Variants in MIS18A observed in about 807,000 individuals in gnomAD.
MIS18A encodes protein Mis18-alpha.
MIS18A carries 14 observed loss-of-function variants against 25.0 expected under a neutral mutation model. The ratio of observed to expected loss-of-function variants is 0.56; its 90% CI spans 0.37 to 0.88. The LOEUF is 0.88. Among genes scored for constraint, MIS18A ranks in the 40% least tolerant of loss-of-function variants. The pLI is 0.00. For missense variants in MIS18A, 292 were observed against 290.8 expected (o/e 1.00, Z -0.03); for synonymous variants, 134 against 118.6 (o/e 1.13, Z -0.84).
At chr21:32,171,988 T>C in the MIS18A span, among the ~76,000 whole-genome samples, 3 of 152,030 alleles carry the variant, frequency 2.0e-5, no homozygotes, top group Non-Finnish European at 4.4e-5. Context: ...AGGACTTGAA[T>C]AGCCATTTCT....
the MIS18A span, among the ~76,000 whole-genome samples, chr21:32,208,565 T>G: frequency 7.2e-5 from 11 of 152,190 alleles, no homozygotes; most frequent in South Asian, 2.1e-4. Flanking sequence ...ATGAGCCAAT[T>G]AAACCTCTTT....
rs537242678 is a variant in MIS18A at position 32,268,251 on chromosome 21, CA to C, written c.*785del. On this transcript the variant is annotated 3_prime_UTR_variant, in exon 5 of 5. Transcript: ENST00000290130. Reference sequence around the variant, plus strand: ...ACTTTGTTTTAATCTTTATTCTCTTCAATTAGAAAAATACATACTACAAAAG... The same window carrying C: ...ACTTTGTTTTAATCTTTATTCTCTTCATTAGAAAAATACATACTACAAAAG... The C allele has an allele frequency of 1.3e-5, 2 of 152,088 alleles. No homozygotes were observed. The highest frequency in any genetic ancestry group is 2.9e-5 in the Non-Finnish European group (2 of 68,022). The allele number at this position is 152,088 out of a possible 1,614,324, so 9.4% of individuals were successfully genotyped here. A position where few individuals can be genotyped will look rare whatever the true frequency, so the allele number is the denominator to read the frequency against.
At chr21:32,190,944 C>G in the MIS18A span, among the ~76,000 whole-genome samples, 16 of 152,334 alleles carry the variant, frequency 1.1e-4, no homozygotes, top group African/African-American at 3.4e-4. Flanking sequence ...TACATTCCCC[C>G]ACCTGTGCCC....
the MIS18A span, among the ~76,000 whole-genome samples, chr21:32,222,934 C>CA: frequency 0.028 from 1,807 of 65,550 alleles, 36 homozygotes; most frequent in African/African-American, 0.061. Context: ...GACTCCGTCT[C>CA]AAAAAAAAAA....
At chr21:32,238,258 G>A in the MIS18A span, among the ~76,000 whole-genome samples, 1 of 152,158 alleles carries the variant, frequency 6.6e-6, no homozygotes, top group Non-Finnish European at 1.5e-5. Context: ...AATTAGTTAG[G>A]ATAGGATAGG....
chr21:32,255,044 A>C, the MIS18A span, among the ~76,000 whole-genome samples: 1 of 152,240 alleles, frequency 6.6e-6, no homozygotes, highest in Non-Finnish European at 1.5e-5. Flanking sequence ...GAATATGCAC[A>C]GCAAGCTGTC....
chr21:32,219,519 G>A, the MIS18A span, among the ~76,000 whole-genome samples: 1 of 152,198 alleles, frequency 6.6e-6, no homozygotes, highest in South Asian at 2.1e-4. Flanking sequence ...TACCACCAGG[G>A]CCCTGGGTTT....
chr21:32,191,563 G>C, the MIS18A span, among the ~76,000 whole-genome samples: 1 of 152,018 alleles, frequency 6.6e-6, no homozygotes, highest in Non-Finnish European at 1.5e-5. Flanking sequence ...AGCCCTAGGT[G>C]ACAGAGCAAG....
chr21:32,236,313 G>A, the MIS18A span, among the ~76,000 whole-genome samples: 1 of 152,068 alleles, frequency 6.6e-6, no homozygotes, highest in African/African-American at 2.4e-5. Context: ...AACCCGGGAG[G>A]TGGAGCTTGC....
chr21:32,181,766 C>A, the MIS18A span, among the ~76,000 whole-genome samples: 2 of 152,254 alleles, frequency 1.3e-5, no homozygotes, highest in East Asian at 3.9e-4. Context: ...CCTGGGAGAT[C>A]TCTGTGCACA....
chr21:32,179,284 T>C, the MIS18A span, among the ~76,000 whole-genome samples: 2 of 152,202 alleles, frequency 1.3e-5, no homozygotes, highest in African/African-American at 4.8e-5. Context: ...ACCAAGAATC[T>C]TCACTTTTTA....
At chr21:32,254,475 G>A in the MIS18A span, among the ~76,000 whole-genome samples, 1 of 151,878 alleles carries the variant, frequency 6.6e-6, no homozygotes, top group African/African-American at 2.4e-5. Context: ...AGGTTGCAGT[G>A]AGCCAAGATT....
chr21:32,226,134 G>T, the MIS18A span, among the ~76,000 whole-genome samples: 1 of 132,620 alleles, frequency 7.5e-6, no homozygotes, highest in Non-Finnish European at 1.6e-5. Context: ...CTGTGGTGGG[G>T]TGGGGGGAGT....
chr21:32,245,997 T>C, the MIS18A span, among the ~76,000 whole-genome samples: 3 of 152,044 alleles, frequency 2.0e-5, no homozygotes, highest in Non-Finnish European at 4.4e-5. Flanking sequence ...CTCAGAATCA[T>C]GTTAGAAGGC....
At chr21:32,262,277 A>G in the MIS18A span, among the ~76,000 whole-genome samples, 4 of 152,228 alleles carry the variant, frequency 2.6e-5, no homozygotes, top group Non-Finnish European at 5.9e-5. Flanking sequence ...AGCCATCCCT[A>G]GGGAAGCAGT....
downstream of MIS18A, among the ~76,000 whole-genome samples, chr21:32,266,581 C>CA (rs2031608390): frequency 1.3e-5 from 2 of 152,060 alleles, no homozygotes; most frequent in Non-Finnish European, 2.9e-5. Context: ...GAGGAACGAA[C>CA]AACTCCAGAC....
At chr21:32,232,813 A>G in the MIS18A span, among the ~76,000 whole-genome samples, 3 of 152,180 alleles carry the variant, frequency 2.0e-5, no homozygotes, top group East Asian at 5.8e-4. Flanking sequence ...GGCAGGATGA[A>G]TAAAACCTAG....
chr21:32,246,584 G>A, the MIS18A span, among the ~76,000 whole-genome samples: 5 of 152,186 alleles, frequency 3.3e-5, no homozygotes, highest in Admixed American at 2.6e-4. Context: ...TGAGGACACA[G>A]TGTCCTTGTG....
chr21:32,274,973 C>T (rs1369791983), intron 1 of MIS18A, 77 bp from the exon 2 acceptor site: 3 of 1,258,912 alleles, frequency 2.4e-6, no homozygotes, highest in Non-Finnish European at 3.4e-6. Context: ...GTTTCTAATC[C>T]AACTTTTTAG....
Sources: gnomAD v4.1 joint callset for allele counts (sites outside exome capture counted in the v4.1 genomes callset) on GRCh38, gnomAD v4.1.1 for gene constraint, MANE v1.5 for transcripts, NCBI Gene and HGNC (gene_info 2026-07-23, HGNC 2026-07-21) for gene names.